Variants in ADGRB3 observed in about 807,000 individuals in gnomAD.
ADGRB3 encodes adhesion G protein-coupled receptor B3, also known as brain-specific angiogenesis inhibitor 3.
Under a neutral mutation model 193.4 loss-of-function variants are expected in ADGRB3, and 37 were observed. The ratio of observed to expected loss-of-function variants is 0.19; its 90% CI spans 0.15 to 0.25. The LOEUF (loss-of-function observed/expected upper bound fraction) is 0.25, where lower values mean the gene tolerates loss of function less well. ADGRB3 is among the 10% of genes least tolerant of loss of function. The pLI, the probability that ADGRB3 is intolerant of heterozygous loss-of-function variation, is 1.00. For missense variants in ADGRB3, 1,637 were observed against 1,852.9 expected, an observed-to-expected ratio of 0.88 and a Z score of 2.14; for synonymous variants, 690 against 644.2, an observed-to-expected ratio of 1.07 and a Z score of -1.08.
At chr6:69,098,155 C>T (rs1383801497) in intron 17 of ADGRB3, among the ~76,000 whole-genome samples, 1 of 152,172 alleles carries the variant, frequency 6.6e-6, no homozygotes, top group East Asian at 1.9e-4. Context: ...TGATCATAAA[C>T]TCCTGGCTTC....
intron 17 of ADGRB3, among the ~76,000 whole-genome samples, chr6:69,230,881 T>C (rs1766120298): frequency 6.6e-6 from 1 of 152,232 alleles, no homozygotes; most frequent in Admixed American, 6.5e-5. Context: ...TAAGCTGTAC[T>C]CACTCACTCA....
intron 22 of ADGRB3, among the ~76,000 whole-genome samples, chr6:69,330,303 G>A (rs1210971716): frequency 6.6e-6 from 1 of 152,060 alleles, no homozygotes; most frequent in Admixed American, 6.5e-5. Context: ...TTTCTTTTGA[G>A]TTAGATATAT....
In ADGRB3 at chr6:68,852,487, G is replaced by A. The variant is rs138491490; in HGVS notation, c.758-78072G>A. On this transcript the variant is annotated intron_variant, in intron 3 of 31. Transcript: ENST00000370598. Reference sequence around the variant, plus strand: ...TTATACACACAATAACTTGTATATCGTTAAAGAGTATAGACAAACACTTTA... The same window carrying A: ...TTATACACACAATAACTTGTATATCATTAAAGAGTATAGACAAACACTTTA... 7.2e-5 allele frequency among the ~76,000 whole-genome samples: 11 copies of A among 151,964 alleles called. No homozygotes were observed. In the East Asian group the frequency reaches 9.7e-4, roughly 13 times the overall value.
At chr6:69,133,976 G>A (rs1479052393) in intron 17 of ADGRB3, among the ~76,000 whole-genome samples, 1 of 152,018 alleles carries the variant, frequency 6.6e-6, no homozygotes, top group Non-Finnish European at 1.5e-5. Context: ...TTAGAATTAT[G>A]TTCTCCATCT....
At chr6:68,726,936 C>A (rs998583370) in intron 3 of ADGRB3, among the ~76,000 whole-genome samples, 4 of 151,582 alleles carry the variant, frequency 2.6e-5, no homozygotes, top group East Asian at 2.0e-4. Flanking sequence ...TGGATAAAAT[C>A]AATGTTGGAA....
intron 11 of ADGRB3, among the ~76,000 whole-genome samples, chr6:69,006,991 A>G (rs1449724644): frequency 6.6e-6 from 1 of 152,052 alleles, no homozygotes; most frequent in Non-Finnish European, 1.5e-5. Flanking sequence ...CTTGAGCTAT[A>G]GGCTTGTAGT....
At chr6:69,072,331 A>C (rs547090885) in intron 16 of ADGRB3, among the ~76,000 whole-genome samples, 7 of 152,308 alleles carry the variant, frequency 4.6e-5, no homozygotes, top group African/African-American at 1.7e-4. Context: ...AACCACAAAA[A>C]GAAAGAGAAG....
At chr6:69,007,920 A>T (rs1769813575) in intron 11 of ADGRB3, among the ~76,000 whole-genome samples, 1 of 152,110 alleles carries the variant, frequency 6.6e-6, no homozygotes, top group Admixed American at 6.6e-5. Flanking sequence ...GTCTAGTGAT[A>T]GCTGCTCTCT....
intron 17 of ADGRB3, among the ~76,000 whole-genome samples, chr6:69,187,004 T>G (rs1223251328): frequency 6.6e-6 from 1 of 151,622 alleles, no homozygotes; most frequent in Non-Finnish European, 1.5e-5. Context: ...GGTTCAGCTA[T>G]TACACAACAA....
intron 20 of ADGRB3, among the ~76,000 whole-genome samples, chr6:69,303,686 C>T (rs1767999072): frequency 6.6e-6 from 1 of 151,852 alleles, no homozygotes; most frequent in South Asian, 2.1e-4. Flanking sequence ...AAATTTTTTG[C>T]TCATTTTTAC....
At chr6:68,642,339 G>C (rs1354623896) in intron 3 of ADGRB3, among the ~76,000 whole-genome samples, 1 of 152,144 alleles carries the variant, frequency 6.6e-6, no homozygotes, top group Middle Eastern at 3.4e-3. Context: ...TGTGTCCACT[G>C]GTATTATGAC....
At position 69,299,229 on chromosome 6, in the gene ADGRB3, A is replaced by G. The variant is rs186919355; in HGVS notation, c.2815-25643A>G. 8.6e-5 allele frequency among the ~76,000 whole-genome samples: 13 copies of G among 151,354 alleles called. No individual in the cohort carries two copies. In the East Asian group the frequency reaches 2.5e-3, roughly 30 times the overall value. On this transcript the variant is annotated intron_variant, in intron 20 of 31. Transcript: ENST00000370598. ...TCTTTTTTTTCACTTTAATTGGATT[A>G]TCTTGTCTTTTGGGTTTTTTGTTTT...
intron 3 of ADGRB3, among the ~76,000 whole-genome samples, chr6:68,927,594 CAA>C (rs781192925): frequency 6.6e-6 from 1 of 151,888 alleles, no homozygotes; most frequent in African/African-American, 2.4e-5. Context: ...AACTCTAAAA[CAA>C]AGAAGATTTT....
intron 3 of ADGRB3, among the ~76,000 whole-genome samples, chr6:68,759,382 T>C (rs1293104773): frequency 6.6e-6 from 1 of 152,132 alleles, no homozygotes; most frequent in Non-Finnish European, 1.5e-5. Flanking sequence ...ACTTTTTTCT[T>C]TTAAATATTT....
At chr6:69,259,538 C>A (rs956644054) in intron 20 of ADGRB3, among the ~76,000 whole-genome samples, 1 of 151,502 alleles carries the variant, frequency 6.6e-6, no homozygotes, top group East Asian at 1.9e-4. Flanking sequence ...TGCTAAAAAA[C>A]GCAAAAAAAT....
chr6:68,863,547 C>G (rs1051946619), intron 3 of ADGRB3, among the ~76,000 whole-genome samples: 1 of 151,608 alleles, frequency 6.6e-6, no homozygotes, highest in Non-Finnish European at 1.5e-5. Context: ...TTTACAAATC[C>G]TTTTTAAATG....
chr6:68,841,706 A>G (rs1768162021), intron 3 of ADGRB3, among the ~76,000 whole-genome samples: 1 of 152,132 alleles, frequency 6.6e-6, no homozygotes, highest in South Asian at 2.1e-4. Flanking sequence ...GAACTAGGAG[A>G]GGAAGAGAAA....
intron 3 of ADGRB3, among the ~76,000 whole-genome samples, chr6:68,900,423 A>G (rs542225316): frequency 6.2e-4 from 94 of 152,290 alleles, no homozygotes; most frequent in Non-Finnish European, 1.0e-3. Context: ...AGTAGCCACA[A>G]GGAGGCCTGG....
intron 13 of ADGRB3, among the ~76,000 whole-genome samples, chr6:69,030,036 G>A (rs1033752704): frequency 1.3e-5 from 2 of 150,958 alleles, no homozygotes; most frequent in African/African-American, 2.4e-5. Flanking sequence ...CTGGTCATAA[G>A]AGAGGTGCAA....
Sources: allele counts gnomAD v4.1 joint callset (sites outside exome capture counted in the v4.1 genomes callset), GRCh38; gene constraint gnomAD v4.1.1; transcripts MANE v1.5; gene names NCBI Gene and HGNC (gene_info 2026-07-23, HGNC 2026-07-21).